The following STK32C variants were observed in gnomAD, a reference collection of about 807,000 sequenced individuals.
The protein encoded by STK32C is serine/threonine kinase 32C, also known as serine/threonine-protein kinase 32C.
In STK32C, 31 loss-of-function variants were observed where a neutral mutation model predicts 56.5. The observed-to-expected ratio is 0.55, with a 90% confidence interval of 0.41 to 0.74. The LOEUF (loss-of-function observed/expected upper bound fraction) is 0.74, where lower values mean the gene tolerates loss of function less well. Ranked by LOEUF, STK32C falls within the 30% of genes least tolerant of loss-of-function variation. The pLI, the probability that STK32C is intolerant of heterozygous loss-of-function variation, is 0.00. For synonymous variants in STK32C, 309 were observed against 289.4 expected (o/e 1.07, Z -0.69); for missense variants, 544 against 676.9 (o/e 0.80, Z 2.18).
chr10:132,208,547 C>T (rs541490708), intron 11 of STK32C, among the ~76,000 whole-genome samples: 3 of 152,332 alleles, frequency 2.0e-5, no homozygotes, highest in Admixed American at 1.3e-4. Context: ...CTCAGACCCA[C>T]CTCCTCCAGG....
intron 2 of STK32C, among the ~76,000 whole-genome samples, chr10:132,237,900 C>T (rs1348670984): frequency 2.0e-5 from 3 of 152,228 alleles, no homozygotes; most frequent in Non-Finnish European, 4.4e-5. Flanking sequence ...ATCAGTGCTG[C>T]CATCCCCCTC....
intron 1 of STK32C, among the ~76,000 whole-genome samples, chr10:132,301,521 C>T (rs578182805): frequency 1.7e-4 from 26 of 152,296 alleles, no homozygotes; most frequent in Admixed American, 1.3e-3. Flanking sequence ...GACAAGGCCC[C>T]GCAGTGGGCT....
At chr10:132,266,572 C>T (rs2064537168) in intron 1 of STK32C, among the ~76,000 whole-genome samples, 1 of 152,136 alleles carries the variant, frequency 6.6e-6, no homozygotes, top group African/African-American at 2.4e-5. Flanking sequence ...TTACCTTTGG[C>T]AGCAGGAAAC....
At chr10:132,257,746 C>T (rs1366759009) in intron 1 of STK32C, among the ~76,000 whole-genome samples, 4 of 151,878 alleles carry the variant, frequency 2.6e-5, no homozygotes, top group Admixed American at 1.3e-4. Context: ...CACCCTCCAC[C>T]AGGCCCCTCT....
Position 132,222,766 on chromosome 10 carries a change from G to A in STK32C, c.1126C>T (p.Arg376Cys), listed in dbSNP as rs570752291. ...VEPGFVPNKG[R>C]LHCDPTFELE... Reference sequence around the variant, plus strand: ...TCAAAGGTGGGGTCGCAGTGCAGACGGCCTTTCTACAGAGGGATGGGTGCT... The same window carrying A: ...TCAAAGGTGGGGTCGCAGTGCAGACAGCCTTTCTACAGAGGGATGGGTGCT... Residue 376 changes from arginine (R) to cysteine (C), a missense_variant, in exon 10 of 12, where the codon CGT becomes TGT. Physicochemically the swap from Arg to Cys is radical, Grantham distance 180 (BLOSUM62 -3). Around this residue, in one of 3 missense-constraint regions of STK32C, gnomAD observed 277 missense variants for 309.3 expected, o/e 0.90. Transcript: ENST00000298630. 7 of 1,601,700 alleles carry A rather than the reference G, an allele frequency of 4.4e-6. No homozygotes were observed. Among genetic ancestry groups the A allele is most frequent in the East Asian group, 2.3e-5 (1 of 44,194 alleles).
At chr10:132,265,663 C>T (rs913237492) in intron 1 of STK32C, among the ~76,000 whole-genome samples, 3 of 152,212 alleles carry the variant, frequency 2.0e-5, no homozygotes, top group Non-Finnish European at 4.4e-5. Flanking sequence ...AGGGCACACA[C>T]AAGGCAGTAA....
intron 2 of STK32C, among the ~76,000 whole-genome samples, chr10:132,240,425 A>G (rs919369671): frequency 2.6e-5 from 4 of 152,192 alleles, no homozygotes; most frequent in Non-Finnish European, 5.9e-5. Flanking sequence ...GAGACGGCAC[A>G]GGGGGCCCAG....
downstream of STK32C, among the ~76,000 whole-genome samples, chr10:132,322,013 TGAC>T (rs2066420327): frequency 6.6e-6 from 1 of 152,148 alleles, no homozygotes; most frequent in Non-Finnish European, 1.5e-5. Flanking sequence ...CCCAAGATAT[TGAC>T]GAACACCCTC....
chr10:132,239,093 A>G (rs1217646834), intron 2 of STK32C, among the ~76,000 whole-genome samples: 1 of 152,184 alleles, frequency 6.6e-6, no homozygotes, highest in African/African-American at 2.4e-5. Context: ...CCAAAGCCAG[A>G]CAGGGTCTGC....
At chr10:132,248,056 C>T (rs1444800313) in intron 1 of STK32C, among the ~76,000 whole-genome samples, 1 of 143,044 alleles carries the variant, frequency 7.0e-6, no homozygotes, top group Non-Finnish European at 1.5e-5. Context: ...GCATCCTAGC[C>T]TCCTTCCTCA....
chr10:132,277,289 C>A (rs1050859912), intron 1 of STK32C, among the ~76,000 whole-genome samples: 1 of 152,206 alleles, frequency 6.6e-6, no homozygotes, highest in Non-Finnish European at 1.5e-5. Flanking sequence ...AGGACACCAG[C>A]ACCTGGACTT....
rs2062846845 is a variant in STK32C, at chr10:132,225,263, C to T, written c.846G>A (p.Gly282=). 1 of 1,611,618 alleles carries T rather than the reference C, an allele frequency of 6.2e-7. No individual in the cohort carries two copies. The change falls in exon 7 of 12, where the codon GGG becomes GGA. Residue 282 remains glycine, a synonymous_variant. Transcript: ENST00000298630. The part of the protein sequence containing the change: ...YSFEVDWWSV[G]VMAYELLRGW... ...CTCGCAGCAGCTCATAGGCCATCAC[C>T]CCCACCGACCACCAGTCCACCTCGA...
chr10:132,284,545 G>C (rs1313030245), intron 1 of STK32C, among the ~76,000 whole-genome samples: 2 of 152,144 alleles, frequency 1.3e-5, no homozygotes, highest in Admixed American at 1.3e-4. Context: ...AGAGCCCCCA[G>C]TAGCATCGAC....
chr10:132,260,407 C>A (rs867200606), intron 1 of STK32C, among the ~76,000 whole-genome samples: 1 of 152,196 alleles, frequency 6.6e-6, no homozygotes, highest in Non-Finnish European at 1.5e-5. Context: ...TCCACCCCTG[C>A]GGCCCCTCTG....
At chr10:132,309,369 G>A (rs1184987006), upstream of STK32C, among the ~76,000 whole-genome samples, 1 of 151,374 alleles carries the variant, frequency 6.6e-6, no homozygotes, top group Non-Finnish European at 1.5e-5. Flanking sequence ...ACATGCACCC[G>A]CCTAGGACAT....
intron 1 of STK32C, among the ~76,000 whole-genome samples, chr10:132,267,508 C>CATGT (rs1565128487): frequency 6.8e-6 from 1 of 147,442 alleles, no homozygotes. Flanking sequence ...TGTCCCACAT[C>CATGT]GTGTGTGTGT....
Position 132,263,865 on chromosome 10 carries a change from C to CAAA in STK32C, c.263-17913_263-17911dup, listed in dbSNP as rs71472732. ...TGGATGACAGAACGAGACTCCATCT[C>CAAA]AAAAAAAAAAAAAAAAAAAGTTGGG... On this transcript the variant is annotated intron_variant, in intron 1 of 11. Coordinates refer to ENST00000298630, the MANE Select transcript of STK32C (RefSeq NM_173575.4). 2.9e-3 allele frequency among the ~76,000 whole-genome samples: 222 copies of CAAA among 75,906 alleles called. 8 individuals are homozygous for CAAA. The highest frequency in any genetic ancestry group is 3.2e-3 in the Non-Finnish European group (130 of 40,036). The allele number at this position is 75,906 out of a possible 152,430, so 49.8% of individuals were successfully genotyped here.
At chr10:132,295,106 T>G (rs918336137) in intron 1 of STK32C, among the ~76,000 whole-genome samples, 1 of 152,002 alleles carries the variant, frequency 6.6e-6, no homozygotes, top group Non-Finnish European at 1.5e-5. Context: ...ACAGAGCAGG[T>G]GCACGGAAAA....
intron 1 of STK32C, among the ~76,000 whole-genome samples, chr10:132,264,848 G>A (rs114880269): frequency 0.016 from 2,434 of 152,320 alleles, 73 homozygotes; most frequent in African/African-American, 0.054. Context: ...GATGGAAGAC[G>A]TAAAAAATCA....
Sources: allele counts gnomAD v4.1 joint callset (sites outside exome capture counted in the v4.1 genomes callset), GRCh38; gene constraint gnomAD v4.1.1; regional missense constraint gnomAD v4.1.1; transcripts MANE v1.5; gene names NCBI Gene and HGNC (gene_info 2026-07-23, HGNC 2026-07-21).